Variants in POFUT3 observed in about 807,000 individuals in gnomAD.
POFUT3 encodes protein O-fucosyltransferase 3.
At chr8:33,332,326 A>C in the POFUT3 span, among the ~76,000 whole-genome samples, 15 of 151,932 alleles carry the variant, frequency 9.9e-5, no homozygotes, top group Middle Eastern at 3.4e-3. Flanking sequence ...TCTACTAAAA[A>C]AAGAAAATAC....
At chr8:33,455,873 A>G in the POFUT3 span, 2 of 452,036 alleles carry the variant, frequency 4.4e-6, no homozygotes, top group East Asian at 1.4e-4. Flanking sequence ...GACTTTCATT[A>G]GATTCTCAAC....
the POFUT3 span, among the ~76,000 whole-genome samples, chr8:33,411,909 G>A: frequency 1.1e-4 from 16 of 152,350 alleles, no homozygotes; most frequent in Middle Eastern, 3.4e-3. Flanking sequence ...GGCAGCGCCA[G>A]AGAACTCTGA....
the POFUT3 span, among the ~76,000 whole-genome samples, chr8:33,463,536 G>A: frequency 6.6e-6 from 1 of 151,696 alleles, no homozygotes; most frequent in South Asian, 2.1e-4. Context: ...CCCCTCTCAT[G>A]AGTCTACCTT....
At chr8:33,326,824 G>A in the POFUT3 span, among the ~76,000 whole-genome samples, 1 of 152,132 alleles carries the variant, frequency 6.6e-6, no homozygotes, top group South Asian at 2.1e-4. Context: ...GTGACCCAGG[G>A]TGGAGTATAG....
chr8:33,438,314 A>G, the POFUT3 span, among the ~76,000 whole-genome samples: 2 of 152,242 alleles, frequency 1.3e-5, no homozygotes, highest in African/African-American at 2.4e-5. Flanking sequence ...GCAGTGGCCC[A>G]TGCCTGTAAT....
chr8:33,389,248 G>C, the POFUT3 span: 1 of 1,614,050 alleles, frequency 6.2e-7, no homozygotes, highest in Non-Finnish European at 8.5e-7. Flanking sequence ...CTGTGATGCT[G>C]GGGGATCCGT....
At chr8:33,333,737 C>T in the POFUT3 span, among the ~76,000 whole-genome samples, 4 of 152,036 alleles carry the variant, frequency 2.6e-5, no homozygotes, top group African/African-American at 4.8e-5. Context: ...ACACTGGACC[C>T]GGGGAGCCCT....
chr8:33,332,390 G>A, the POFUT3 span, among the ~76,000 whole-genome samples: 1 of 151,492 alleles, frequency 6.6e-6, no homozygotes, highest in African/African-American at 2.4e-5. Context: ...ACTTGGGAGG[G>A]TGAGGCAGGA....
chr8:33,412,035 C>T, the POFUT3 span, among the ~76,000 whole-genome samples: 1 of 151,374 alleles, frequency 6.6e-6, no homozygotes, highest in Non-Finnish European at 1.5e-5. Context: ...TTTCCTCATG[C>T]ACATCACACA....
At chr8:33,345,651 T>C in the POFUT3 span, among the ~76,000 whole-genome samples, 3 of 151,882 alleles carry the variant, frequency 2.0e-5, no homozygotes, top group Non-Finnish European at 4.4e-5. Context: ...TCCGCCCACG[T>C]AGGCCTCCCA....
chr8:33,443,684 G>C, the POFUT3 span, among the ~76,000 whole-genome samples: 1 of 152,094 alleles, frequency 6.6e-6, no homozygotes, highest in Non-Finnish European at 1.5e-5. Context: ...AGTAGAGATG[G>C]GGTTTTGCCA....
the POFUT3 span, among the ~76,000 whole-genome samples, chr8:33,348,992 C>T: frequency 2.6e-5 from 4 of 152,156 alleles, no homozygotes; most frequent in Admixed American, 2.6e-4. Context: ...CACATAAATA[C>T]ATTGGAAAAA....
At chr8:33,424,515 G>A in the POFUT3 span, among the ~76,000 whole-genome samples, 2 of 152,158 alleles carry the variant, frequency 1.3e-5, no homozygotes, top group African/African-American at 4.8e-5. Context: ...TGCATCGTTA[G>A]GGCCTTCAGG....
the POFUT3 span, among the ~76,000 whole-genome samples, chr8:33,447,212 G>T: frequency 1.3e-5 from 2 of 152,174 alleles, no homozygotes; most frequent in African/African-American, 4.8e-5. Flanking sequence ...CACTTTGGGA[G>T]GCCGAGGTGG....
At chr8:33,346,691 C>G in the POFUT3 span, among the ~76,000 whole-genome samples, 1 of 152,044 alleles carries the variant, frequency 6.6e-6, no homozygotes, top group Non-Finnish European at 1.5e-5. Context: ...CAAGTCACAT[C>G]AGGGCCATAA....
the POFUT3 span, among the ~76,000 whole-genome samples, chr8:33,412,577 C>T: frequency 7.9e-5 from 12 of 152,120 alleles, no homozygotes; most frequent in Non-Finnish European, 1.3e-4. Context: ...TTTATTCAAG[C>T]GAAAAGCTCT....
the POFUT3 span, among the ~76,000 whole-genome samples, chr8:33,335,787 T>C: frequency 6.6e-6 from 1 of 152,086 alleles, no homozygotes; most frequent in Non-Finnish European, 1.5e-5. Flanking sequence ...AAGAAAATCA[T>C]CAAAAAGAGA....
At chr8:33,353,105 GC>G in the POFUT3 span, among the ~76,000 whole-genome samples, 2 of 152,214 alleles carry the variant, frequency 1.3e-5, no homozygotes, top group African/African-American at 4.8e-5. Context: ...TCACTTTCCA[GC>G]CATCTCCAAA....
the POFUT3 span, among the ~76,000 whole-genome samples, chr8:33,326,401 A>C: frequency 6.6e-6 from 1 of 152,214 alleles, no homozygotes; most frequent in East Asian, 1.9e-4. Flanking sequence ...AGGCATTTCA[A>C]ATGTGACAAA....
Sources: allele counts gnomAD v4.1 joint callset (sites outside exome capture counted in the v4.1 genomes callset), GRCh38; gene constraint gnomAD v4.1.1; transcripts MANE v1.5; gene names NCBI Gene and HGNC (gene_info 2026-07-23, HGNC 2026-07-21).